Variants in QDPR observed in about 807,000 individuals in gnomAD.
QDPR encodes the protein dihydropteridine reductase.
A neutral mutation model predicts 31.7 loss-of-function variants in QDPR; 23 were observed. The ratio of observed to expected loss-of-function variants is 0.73; its 90% CI spans 0.52 to 1.03. The LOEUF is 1.03. Ranked by LOEUF, QDPR falls within the 50% of genes least tolerant of loss-of-function variation. The pLI, the probability that QDPR is intolerant of heterozygous loss-of-function variation, is 0.00. For synonymous variants in QDPR, 124 were observed against 124.7 expected (o/e 0.99, Z 0.03); for missense variants, 324 against 323.8 (o/e 1.00, Z 0.00).
At chr4:17,489,245 C>T (rs530574586) in intron 6 of QDPR, among the ~76,000 whole-genome samples, 12 of 152,140 alleles carry the variant, frequency 7.9e-5, no homozygotes, top group African/African-American at 2.9e-4. Context: ...TTTCAAATAC[C>T]ACAAATGGGT....
intron 2 of QDPR, among the ~76,000 whole-genome samples, chr4:17,505,868 G>T (rs1420924980): frequency 1.3e-5 from 2 of 152,196 alleles, no homozygotes; most frequent in African/African-American, 4.8e-5. Context: ...TGGTGGAGTA[G>T]TAGAAGAAGG....
rs1719038499 is a variant in QDPR, at chr4:17,512,068, G to T, written c.-14C>A. 2 of 1,579,874 alleles carry T rather than the reference G, an allele frequency of 1.3e-6. No homozygotes were observed. Among genetic ancestry groups the T allele is most frequent in the South Asian group, 1.1e-5 (1 of 88,234 alleles). On this transcript the variant is annotated 5_prime_UTR_variant, in exon 1 of 7. It adds an upstream start codon to the 5' untranslated region. Coordinates refer to ENST00000281243, the MANE Select transcript of QDPR (RefSeq NM_000320.3). ...CGCCGCCGCCATCCTGCTCCTGCCA[G>T]CCCGGCTCCCGCAGCTCCGAATGCC...
rs1431359277 is a variant in QDPR, at chr4:17,512,000, T to A, written c.55A>T (p.Arg19Trp). The A allele has an allele frequency of 1.2e-5, 19 of 1,609,610 alleles. No homozygotes were observed. Among genetic ancestry groups the A allele is most frequent in the East Asian group, 2.2e-5 (1 of 44,740 alleles). The change falls in exon 1 of 7, where the codon AGG becomes TGG. Residue 19 changes from arginine (R) to tryptophan (W), a missense_variant. By Grantham distance (101) the Arg-to-Trp change is moderately radical (BLOSUM62 -3). Coordinates refer to ENST00000281243, the MANE Select transcript of QDPR (RefSeq NM_000320.3). ...ACGCATCGAGAACCCAGAGCGCCCC[T>A]GCCGCCGTACACCAGCACCCGGCGC... ...EARRVLVYGGRGALGSRCVQA... is the reference protein window; with the variant it reads ...EARRVLVYGGWGALGSRCVQA...
At chr4:17,495,332 G>C (rs2108989384) in intron 4 of QDPR, among the ~76,000 whole-genome samples, 1 of 152,292 alleles carries the variant, frequency 6.6e-6, no homozygotes, top group East Asian at 1.9e-4. Flanking sequence ...CCCACCCCAT[G>C]TCATGGAGCC....
chr4:17,511,218 G>A (rs934950675), intron 1 of QDPR, among the ~76,000 whole-genome samples: 6 of 152,116 alleles, frequency 3.9e-5, no homozygotes, highest in Non-Finnish European at 5.9e-5. Flanking sequence ...GAGGCCTGCT[G>A]AGCGGCTGAG....
At chr4:17,493,134 G>A (rs984676442) in intron 4 of QDPR, among the ~76,000 whole-genome samples, 5 of 152,130 alleles carry the variant, frequency 3.3e-5, no homozygotes, top group African/African-American at 4.8e-5. Flanking sequence ...CACCAACTGG[G>A]TGTCTGACAA....
In QDPR at chr4:17,501,732, C is replaced by T. The variant is rs1553875093; in HGVS notation, c.423G>A (p.Leu141=). Residue 141 remains leucine (L), a synonymous_variant, in exon 4 of 7, where the codon CTG becomes CTA. Coordinates refer to ENST00000281243, the MANE Select transcript of QDPR (RefSeq NM_000320.3). ...LLTLAGAKAA[L]DGTPGMIGYG... The stretch of plus-strand genomic sequence containing the variant: ...ATAAAGGCTTACCAGGAGTCCCATC[C>T]AGGGCAGCCTTTGCGCCAGCCAAGG... The T allele has an allele frequency of 2.5e-6, 4 of 1,613,966 alleles. No individual in the cohort carries two copies. Among genetic ancestry groups the T allele is most frequent in the Non-Finnish European group, 3.4e-6 (4 of 1,180,040 alleles).
chr4:17,504,727 A>G (rs1718691363), intron 2 of QDPR, among the ~76,000 whole-genome samples: 1 of 152,176 alleles, frequency 6.6e-6, no homozygotes. Context: ...AGGTAGAGAC[A>G]TGAGCATCCC....
rs778806991 is a variant in QDPR at position 17,487,222 on chromosome 4, C to T, written c.644G>A (p.Trp215Ter). Residue 215 changes from tryptophan (W) to a stop codon, truncating the protein, a stop_gained, in exon 7 of 7, where the codon TGG (tryptophan) becomes TAG (stop). Transcript: ENST00000281243. LOFTEE classifies it high-confidence loss of function. ...GCTCGGTCGGTTTTTCCCTGTGATC[C>T]AGTCATGGAAAGTTCTGGAACAGAA... is the stretch of plus-strand genomic sequence containing the variant. ...LEFLVETFHD[W>*]ITGKNRPSSG... 1.4e-5 allele frequency: 23 copies of T among 1,613,464 alleles called. No homozygotes were observed. Among genetic ancestry groups the T allele is most frequent in the Non-Finnish European group, 1.9e-5 (23 of 1,179,838 alleles).
In QDPR at chr4:17,509,504, T is replaced by C. The variant is rs3733574; in HGVS notation, c.106-141A>G. The C allele has an allele frequency of 0.26, 192,323 of 729,910 alleles. 26,498 individuals are homozygous for C. The highest frequency in any genetic ancestry group is 0.32 in the East Asian group (11,337 of 35,228). The allele number at this position is 729,910 out of a possible 1,614,324, so 45.2% of individuals were successfully genotyped here. ...CACTTTGGGAGCCAATGTGGGAGGATCTCTTGAGGCCAAGAGTTTGAGACC... is the reference window on the plus strand; with the variant it reads ...CACTTTGGGAGCCAATGTGGGAGGACCTCTTGAGGCCAAGAGTTTGAGACC... On this transcript the variant is annotated intron_variant, in intron 1 of 6. Coordinates refer to ENST00000281243, the MANE Select transcript of QDPR (RefSeq NM_000320.3).
At chr4:17,510,554 A>G (rs1483773653) in intron 1 of QDPR, among the ~76,000 whole-genome samples, 1 of 152,206 alleles carries the variant, frequency 6.6e-6, no homozygotes, top group Non-Finnish European at 1.5e-5. Context: ...AAAAGTCTCC[A>G]TCATCCTAGC....
chr4:17,509,242 A>G, intron 2 of QDPR, 29 bp downstream of exon 2: 1 of 1,577,004 alleles, frequency 6.3e-7, no homozygotes, highest in Non-Finnish European at 8.7e-7. Flanking sequence ...GGTTCCCCTC[A>G]CAATGTTTGG....
intron 2 of QDPR, among the ~76,000 whole-genome samples, chr4:17,505,350 G>C (rs186651133): frequency 6.7e-6 from 1 of 149,624 alleles, no homozygotes; most frequent in Admixed American, 6.8e-5. Flanking sequence ...CGGTTCAAGC[G>C]AATCTCCTGC....
intron 3 of QDPR, among the ~76,000 whole-genome samples, chr4:17,503,178 C>G (rs189071029): frequency 6.6e-6 from 1 of 152,252 alleles, no homozygotes; most frequent in Non-Finnish European, 1.5e-5. Flanking sequence ...GTGAGACATG[C>G]TATATGAAAA....
chr4:17,506,100 C>T (rs1718777901), intron 2 of QDPR, among the ~76,000 whole-genome samples: 1 of 152,112 alleles, frequency 6.6e-6, no homozygotes, highest in African/African-American at 2.4e-5. Flanking sequence ...CAGGAACCGC[C>T]CTTCCATTTA....
chr4:17,508,854 A>G (rs1221572283), intron 2 of QDPR, among the ~76,000 whole-genome samples: 2 of 152,110 alleles, frequency 1.3e-5, no homozygotes, highest in Non-Finnish European at 2.9e-5. Flanking sequence ...GAGAAACAAC[A>G]GCTTTAAAAA....
Position 17,501,731 on chromosome 4 carries a change from C to T in QDPR, c.424G>A (p.Asp142Asn). The T allele has an allele frequency of 6.2e-7, 1 of 1,614,078 alleles. No homozygotes were observed. Among genetic ancestry groups the T allele is most frequent in the East Asian group, 2.2e-5 (1 of 44,876 alleles). The change falls in exon 4 of 7, where the codon GAT (aspartate) becomes AAT (asparagine). Residue 142 changes from aspartate to asparagine, a missense_variant. Physicochemically the swap from Asp to Asn is conservative, Grantham distance 23 (BLOSUM62 1). Coordinates refer to ENST00000281243, the MANE Select transcript of QDPR (RefSeq NM_000320.3). ...AATAAAGGCTTACCAGGAGTCCCAT[C>T]CAGGGCAGCCTTTGCGCCAGCCAAG... ...LTLAGAKAAL[D>N]GTPGMIGYGM...
chr4:17,486,767 A>G lies in QDPR; in HGVS notation c.*364T>C, dbSNP rs966211522. 2 of 254,354 alleles carry G rather than the reference A, an allele frequency of 7.9e-6. No individual in the cohort carries two copies. Among genetic ancestry groups the G allele is most frequent in the Non-Finnish European group, 1.5e-5 (2 of 129,702 alleles). The allele number at this position is 254,354 out of a possible 1,614,324, so 15.8% of individuals were successfully genotyped here. A position where few individuals can be genotyped will look rare whatever the true frequency, so the allele number is the denominator to read the frequency against. ...CATTCAAAAATAACTCAGCCTTTAA[A>G]ATGTCCCCAATACCAACAAATCAAC... On this transcript the variant is annotated 3_prime_UTR_variant, in exon 7 of 7. Transcript: ENST00000281243.
intron 6 of QDPR, 132 bp downstream of exon 6, chr4:17,490,530 C>T: frequency 1.4e-6 from 1 of 717,944 alleles, no homozygotes; most frequent in Non-Finnish European, 2.5e-6. Context: ...AATGCATCCT[C>T]AGAGTCCCAG....
Sources: gnomAD v4.1 joint callset for allele counts (sites outside exome capture counted in the v4.1 genomes callset) on GRCh38, gnomAD v4.1.1 for gene constraint, MANE v1.5 for transcripts, NCBI Gene and HGNC (gene_info 2026-07-23, HGNC 2026-07-21) for gene names.